PHTF1: variants seen among roughly 807,000 people sequenced by gnomAD.
PHTF1 encodes putative homeodomain transcription factor 1.
Under a neutral mutation model 102.4 loss-of-function variants are expected in PHTF1, and 88 were observed. The observed-to-expected ratio is 0.86, with a 90% CI of 0.72 to 1.03. The LOEUF is 1.03. Ranked by LOEUF, PHTF1 falls within the 50% of genes least tolerant of loss-of-function variation. The pLI, the probability that PHTF1 is intolerant of heterozygous loss-of-function variation, is 0.00. For synonymous variants in PHTF1, 289 were observed against 305.2 expected (o/e 0.95, Z 0.55); for missense variants, 814 against 909.5 (o/e 0.89, Z 1.35).
At chr1:113,744,065 G>T (rs566643687) in intron 3 of PHTF1, among the ~76,000 whole-genome samples, 1 of 152,176 alleles carries the variant, frequency 6.6e-6, no homozygotes, top group Non-Finnish European at 1.5e-5. Flanking sequence ...CATTATGAGT[G>T]GATTTCCTTA....
upstream of PHTF1, among the ~76,000 whole-genome samples, chr1:113,759,745 G>A (rs1426386230): frequency 1.3e-5 from 2 of 152,234 alleles, no homozygotes; most frequent in African/African-American, 2.4e-5. Flanking sequence ...TCTAAAGGAG[G>A]TCGGTCCTGA....
rs555625910 is a variant in PHTF1 at position 113,740,509 on chromosome 1, T to C, written c.103-1710A>G. ...AGTTTGCAAATGTTTTCTCTCATTCTGTAGGTTGTCTCTTCAATCTTGATT... is the reference window on the plus strand; with the variant it reads ...AGTTTGCAAATGTTTTCTCTCATTCCGTAGGTTGTCTCTTCAATCTTGATT... On this transcript the variant is annotated intron_variant, in intron 3 of 18. Transcript: ENST00000369604. 2.0e-5 allele frequency among the ~76,000 whole-genome samples: 3 copies of C among 152,324 alleles called. No individual in the cohort carries two copies. In the South Asian group the frequency reaches 6.2e-4, roughly 32 times the overall value.
chr1:113,734,093 C>T (rs1220152658), intron 5 of PHTF1, among the ~76,000 whole-genome samples: 1 of 152,074 alleles, frequency 6.6e-6, no homozygotes, highest in Non-Finnish European at 1.5e-5. Flanking sequence ...AACCCTATCT[C>T]TACTAAAAAC....
At chr1:113,745,023 A>AGGGC (rs1235674619) in intron 3 of PHTF1, among the ~76,000 whole-genome samples, 1 of 151,328 alleles carries the variant, frequency 6.6e-6, no homozygotes, top group Non-Finnish European at 1.5e-5. Context: ...AGGAGAGGGC[A>AGGGC]AGGCAGGGCA....
chr1:113,713,517 C>T (rs3789597), intron 7 of PHTF1, 79 bp from the exon 8 acceptor site: 226,753 of 736,806 alleles, frequency 0.31, 38,527 homozygotes, highest in African/African-American at 0.57. Flanking sequence ...TTAAGGAATA[C>T]GCTATATTAT....
chr1:113,747,736 G>T (rs1373349704), intron 3 of PHTF1, among the ~76,000 whole-genome samples: 1 of 152,126 alleles, frequency 6.6e-6, no homozygotes, highest in African/African-American at 2.4e-5. Flanking sequence ...AAAACTTCAG[G>T]TTGAAAATCA....
At chr1:113,746,169 T>G (rs1477132034) in intron 3 of PHTF1, among the ~76,000 whole-genome samples, 1 of 152,220 alleles carries the variant, frequency 6.6e-6, no homozygotes, top group Non-Finnish European at 1.5e-5. Context: ...GACAATAGGT[T>G]AGACCAGGTA....
chr1:113,726,756 C>T (rs545134511), intron 5 of PHTF1, among the ~76,000 whole-genome samples, 182 bp from the exon 6 acceptor site: 4 of 152,258 alleles, frequency 2.6e-5, no homozygotes, highest in Non-Finnish European at 5.9e-5. Context: ...CTAGATCCCT[C>T]GGCAAGTGAA....
intron 18 of PHTF1, 77 bp downstream of exon 18, chr1:113,698,185 A>G (rs1022481601): frequency 1.3e-6 from 1 of 774,204 alleles, no homozygotes; most frequent in South Asian, 1.8e-5. Flanking sequence ...ACACACACAC[A>G]CACGTGTGAA....
rs145089452 is a variant in PHTF1 at position 113,719,049 on chromosome 1, G to A, written c.624-5611C>T. Among the ~76,000 whole-genome samples the A allele has an allele frequency of 6.7e-4, 102 of 151,852 alleles. 1 individual carries two copies. The East Asian group carries it at 0.02, about 29-fold the overall frequency. ...AGAGTCTCGTTCTGTCACCCAGGCTGGAGTGCAGTGGCGTGATCTCAGCTC... is the reference window on the plus strand; with the variant it reads ...AGAGTCTCGTTCTGTCACCCAGGCTAGAGTGCAGTGGCGTGATCTCAGCTC... On this transcript the variant is annotated intron_variant, in intron 7 of 18. Transcript: ENST00000369604.
At chr1:113,710,623 G>A (rs139496469) in intron 10 of PHTF1, 148 bp from the exon 11 acceptor site, 16 of 634,374 alleles carry the variant, frequency 2.5e-5, no homozygotes, top group South Asian at 3.9e-5. Context: ...AGGGCTTCAC[G>A]TAACAATAAT....
chr1:113,757,156 G>C (rs1659012748), intron 3 of PHTF1, among the ~76,000 whole-genome samples: 2 of 152,076 alleles, frequency 1.3e-5, no homozygotes, highest in African/African-American at 4.8e-5. Context: ...GACAGAGTGA[G>C]ACTCTGTCTC....
chr1:113,758,255 A>AAAAAAC (rs1332129004), intron 2 of PHTF1, among the ~76,000 whole-genome samples: 2 of 149,424 alleles, frequency 1.3e-5, no homozygotes, highest in South Asian at 2.1e-4. Flanking sequence ...AAAAAAAAAA[A>AAAAAAC]TCCACTTCTT....
chr1:113,710,498 A>G (rs1650908743), intron 10 of PHTF1, 23 bp from the exon 11 acceptor site: 1 of 1,541,812 alleles, frequency 6.5e-7, no homozygotes, highest in Non-Finnish European at 8.9e-7. Context: ...ACAAAAAGCA[A>G]AAAATGTTAT....
chr1:113,731,476 A>T (rs1011602485), intron 5 of PHTF1, among the ~76,000 whole-genome samples: 13 of 152,020 alleles, frequency 8.6e-5, no homozygotes, highest in Non-Finnish European at 1.6e-4. Flanking sequence ...GGCTGTAGTG[A>T]AATACCATCA....
At chr1:113,701,531 T>C (rs192454523) in intron 15 of PHTF1, among the ~76,000 whole-genome samples, 1 of 152,108 alleles carries the variant, frequency 6.6e-6, no homozygotes, top group Admixed American at 6.5e-5. Flanking sequence ...CTGAAAAACA[T>C]ACAGATAATG....
chr1:113,743,896 CAG>C (rs765168959), intron 3 of PHTF1, among the ~76,000 whole-genome samples: 4 of 152,218 alleles, frequency 2.6e-5, no homozygotes, highest in Admixed American at 6.5e-5. Context: ...GCAACCAAGG[CAG>C]AGATTCCAAC....
At chr1:113,706,524 G>T in intron 12 of PHTF1, 70 bp downstream of exon 12, 2 of 1,264,860 alleles carry the variant, frequency 1.6e-6, no homozygotes, top group Non-Finnish European at 2.2e-6. Context: ...ATCACTAAGA[G>T]ATTCTTATAA....
intron 17 of PHTF1, chr1:113,699,408 G>A: frequency 1.9e-6 from 1 of 534,112 alleles, no homozygotes; most frequent in Admixed American, 2.3e-5. Context: ...CCTGGTCCTT[G>A]ATGCACAGAG....
Sources: allele counts gnomAD v4.1 joint callset (sites outside exome capture counted in the v4.1 genomes callset), GRCh38; gene constraint gnomAD v4.1.1; transcripts MANE v1.5; gene names NCBI Gene and HGNC (gene_info 2026-07-23, HGNC 2026-07-21).